The following TGFA variants were observed in gnomAD, a reference collection of about 807,000 sequenced individuals.
The protein encoded by TGFA is transforming growth factor alpha.
In TGFA, 12 loss-of-function variants were observed where a neutral mutation model predicts 21.7. The ratio of observed to expected loss-of-function variants is 0.55; its 90% CI spans 0.35 to 0.90. TGFA has a LOEUF of 0.90. TGFA is among the 40% of genes least tolerant of loss of function. TGFA has a pLI of 0.01. For synonymous variants in TGFA, 79 were observed against 88.1 expected, an observed-to-expected ratio of 0.90 and a Z score of 0.58; for missense variants, 178 against 210.8, an observed-to-expected ratio of 0.84 and a Z score of 0.96.
At chr2:70,454,095 A>G (rs536557146) in intron 4 of TGFA, among the ~76,000 whole-genome samples, 73 of 152,226 alleles carry the variant, frequency 4.8e-4, no homozygotes, top group African/African-American at 1.7e-3. Flanking sequence ...CCCTTGGGCT[A>G]TCGTGGAGAA....
chr2:70,521,920 A>G (rs899152827), intron 1 of TGFA, among the ~76,000 whole-genome samples: 3 of 151,988 alleles, frequency 2.0e-5, no homozygotes, highest in African/African-American at 7.3e-5. Flanking sequence ...ACCTATTGAC[A>G]GTTTTCATTC....
rs782012686 is a variant in TGFA at position 70,465,707 on chromosome 2, A to T, written c.124T>A (p.Ser42Thr). The T allele has an allele frequency of 1.9e-6, 3 of 1,613,950 alleles. No homozygotes were observed. The highest frequency in any genetic ancestry group is 2.5e-6 in the Non-Finnish European group (3 of 1,180,018). Residue 42 changes from serine to threonine, a missense_variant, in exon 3 of 6, where the codon TCC (serine) becomes ACC (threonine). Physicochemically the swap from Ser to Thr is moderately conservative, Grantham distance 58. Transcript: ENST00000295400. ...ADPPVAAAVV[S>T]HFNDCPDSHT... ...GAATCTGGGCAGTCATTAAAATGGG[A>T]CACCACTGCTGCAGCCACGGGCGGG...
chr2:70,464,649 A>G (rs781893990), intron 3 of TGFA, among the ~76,000 whole-genome samples: 72 of 152,216 alleles, frequency 4.7e-4, no homozygotes, highest in Non-Finnish European at 7.5e-4. Flanking sequence ...CCAAGGTTCA[A>G]TATAGGTCCC....
intron 1 of TGFA, among the ~76,000 whole-genome samples, chr2:70,545,303 A>G (rs1159786883): frequency 1.3e-5 from 2 of 152,218 alleles, no homozygotes; most frequent in African/African-American, 2.4e-5. Context: ...AGAAGAAAGC[A>G]TATTGTGTCT....
rs79639153 is a variant in TGFA at position 70,531,444 on chromosome 2, A to G, written c.41-16532T>C. On this transcript the variant is annotated intron_variant, in intron 1 of 5. Coordinates refer to ENST00000295400, the MANE Select transcript of TGFA (RefSeq NM_003236.4). ...TCAAGTACTGCGTTTAAAAAAATAA[A>G]AAGCCATGAGATATAAGCAACATAA... Among the ~76,000 whole-genome samples, 20 of 152,350 alleles carry G rather than the reference A, an allele frequency of 1.3e-4. No homozygotes were observed. The East Asian group carries it at 3.7e-3, about 28-fold the overall frequency.
intron 1 of TGFA, among the ~76,000 whole-genome samples, chr2:70,525,289 G>T (rs1672600141): frequency 6.6e-6 from 1 of 152,188 alleles, no homozygotes; most frequent in Non-Finnish European, 1.5e-5. Flanking sequence ...AAATACCAGT[G>T]TGACTTGGCA....
rs1673593699 is a variant in TGFA at position 70,553,822 on chromosome 2, C to CGAGTGGCG, written c.-56_-55insCGCCACTC. 8.0e-7 allele frequency: 1 copy of CGAGTGGCG among 1,247,456 alleles called. No homozygotes were observed. Among genetic ancestry groups the CGAGTGGCG allele is most frequent in the Non-Finnish European group, 1.0e-6 (1 of 989,022 alleles). The allele number at this position is 1,247,456 out of a possible 1,614,324, so 77.3% of individuals were successfully genotyped here. On this transcript the variant is annotated 5_prime_UTR_variant, in exon 1 of 6. Transcript: ENST00000295400. ...AGCCTCCTGCCCTACCTGCGGTGCCCGAGTGGCGGAGCGGCGCCGCGGTGC... is the reference window on the plus strand; with the variant it reads ...AGCCTCCTGCCCTACCTGCGGTGCCCGAGTGGCGGAGTGGCGGAGCGGCGCCGCGGTGC...
chr2:70,521,613 G>GTTTTTTTTTT lies in TGFA; in HGVS notation c.41-6702_41-6701insAAAAAAAAAA, dbSNP rs59567780. Among the ~76,000 whole-genome samples the GTTTTTTTTTT allele has an allele frequency of 4.6e-3, 342 of 73,904 alleles. 14 individuals carry two copies. Among genetic ancestry groups the GTTTTTTTTTT allele is most frequent in the Middle Eastern group, 8.1e-3 (1 of 124 alleles). The allele number at this position is 73,904 out of a possible 152,430, so 48.5% of individuals were successfully genotyped here. A position where few individuals can be genotyped will look rare whatever the true frequency, so the allele number is the denominator to read the frequency against. On this transcript the variant is annotated intron_variant, in intron 1 of 5. Coordinates refer to ENST00000295400, the MANE Select transcript of TGFA (RefSeq NM_003236.4). ...TTGATAGTTTTTTTTGTTGTTGTTT[G>GTTTTTTTTTT]TTTGTTTTTTTTTTTTTTTTTTTTT... is the stretch of plus-strand genomic sequence containing the variant.
intron 3 of TGFA, among the ~76,000 whole-genome samples, chr2:70,459,399 A>G (rs1670343624): frequency 6.6e-6 from 1 of 152,214 alleles, no homozygotes; most frequent in South Asian, 2.1e-4. Flanking sequence ...TGACAGATGA[A>G]GAAACAAAAG....
intron 2 of TGFA, chr2:70,468,589 T>TA (rs1294824066): frequency 6.6e-6 from 1 of 152,288 alleles, no homozygotes; most frequent in African/African-American, 2.4e-5. Flanking sequence ...CATCTGTACT[T>TA]ACAGCCACTT....
At chr2:70,553,236 G>C in intron 1 of TGFA, 1 of 1,536,168 alleles carries the variant, frequency 6.5e-7, no homozygotes, top group Non-Finnish European at 8.7e-7. Flanking sequence ...TGCCGATCTT[G>C]AACATCTCTG....
intron 2 of TGFA, among the ~76,000 whole-genome samples, chr2:70,477,785 A>G (rs1553494748): frequency 6.6e-6 from 1 of 152,202 alleles, no homozygotes; most frequent in Non-Finnish European, 1.5e-5. Flanking sequence ...GAATAAGCAC[A>G]TGGAAAGAAG....
chr2:70,550,603 G>A (rs868985412), intron 1 of TGFA, among the ~76,000 whole-genome samples: 4 of 152,124 alleles, frequency 2.6e-5, no homozygotes, highest in Middle Eastern at 3.4e-3. Flanking sequence ...GGTGGATCAC[G>A]CGGTCAGGAG....
chr2:70,553,264 G>A (rs1553507112), intron 1 of TGFA: 2 of 1,535,994 alleles, frequency 1.3e-6, no homozygotes, highest in East Asian at 2.4e-5. Context: ...CTGGGGCTTA[G>A]AGGTGGGCAG....
At chr2:70,515,630 CA>C (rs1553501502) in intron 1 of TGFA, among the ~76,000 whole-genome samples, 5 of 152,112 alleles carry the variant, frequency 3.3e-5, no homozygotes, top group Admixed American at 6.5e-5. Context: ...GTACCTGGAT[CA>C]GGGGGAGTCA....
intron 1 of TGFA, among the ~76,000 whole-genome samples, chr2:70,535,585 C>A (rs1342730431): frequency 6.6e-6 from 1 of 152,230 alleles, no homozygotes; most frequent in Non-Finnish European, 1.5e-5. Flanking sequence ...TGTTTGATCA[C>A]TTAGATATAT....
chr2:70,463,045 C>T (rs1670449093), intron 3 of TGFA, among the ~76,000 whole-genome samples: 1 of 152,052 alleles, frequency 6.6e-6, no homozygotes, highest in African/African-American at 2.4e-5. Context: ...AGGCACAGCA[C>T]CCTCTGGGCA....
chr2:70,495,417 AGT>A (rs1671547535), intron 2 of TGFA, among the ~76,000 whole-genome samples: 2 of 152,246 alleles, frequency 1.3e-5, no homozygotes, highest in South Asian at 4.1e-4. Flanking sequence ...AGAATCATTT[AGT>A]TAAGTTCCCC....
At chr2:70,478,925 TATCA>T (rs1553494941) in intron 2 of TGFA, among the ~76,000 whole-genome samples, 1 of 152,204 alleles carries the variant, frequency 6.6e-6, no homozygotes, top group African/African-American at 2.4e-5. Flanking sequence ...TTTTCTCAAT[TATCA>T]ATGTTAAAAA....
Sources: gnomAD v4.1 joint callset for allele counts (sites outside exome capture counted in the v4.1 genomes callset) on GRCh38, gnomAD v4.1.1 for gene constraint, MANE v1.5 for transcripts, NCBI Gene and HGNC (gene_info 2026-07-23, HGNC 2026-07-21) for gene names.